PDE4D: variants seen among roughly 807,000 people sequenced by gnomAD.
The protein encoded by PDE4D is 3',5'-cyclic-AMP phosphodiesterase 4D.
Under a neutral mutation model 87.4 loss-of-function variants are expected in PDE4D, and 24 were observed. That is an observed-to-expected ratio of 0.27 (90% CI 0.20 to 0.39). The LOEUF is 0.39. Among genes scored for constraint, PDE4D ranks in the 10% least tolerant of loss-of-function variants. PDE4D has a pLI of 1.00. For missense variants in PDE4D, 714 were observed against 1,041.0 expected, an observed-to-expected ratio of 0.69 and a Z score of 4.32; for synonymous variants, 384 against 383.2, an observed-to-expected ratio of 1.00 and a Z score of -0.02.
intron 5 of PDE4D, among the ~76,000 whole-genome samples, chr5:59,081,795 T>G (rs1459805918): frequency 1.3e-5 from 2 of 152,162 alleles, no homozygotes; most frequent in Non-Finnish European, 2.9e-5. Context: ...ACAATGTCCT[T>G]AATGTAGATT....
intron 1 of PDE4D, among the ~76,000 whole-genome samples, chr5:59,454,259 A>G (rs1799583143): frequency 6.6e-6 from 1 of 152,192 alleles, no homozygotes; most frequent in Admixed American, 6.5e-5. Flanking sequence ...GTCGCCACCC[A>G]AATCTCATCT....
At chr5:58,999,848 G>A in intron 6 of PDE4D, 2 of 988,444 alleles carry the variant, frequency 2.0e-6, no homozygotes, top group Non-Finnish European at 2.4e-6. Context: ...TCTCTCCCGA[G>A]CTCCAGGGCT....
intron 2 of PDE4D, among the ~76,000 whole-genome samples, chr5:60,166,303 A>G (rs1782895621): frequency 6.6e-6 from 1 of 152,126 alleles, no homozygotes; most frequent in African/African-American, 2.4e-5. Context: ...CATAATTTTA[A>G]CAAGTTATTT....
chr5:59,124,891 A>G (rs1775134552), intron 5 of PDE4D, among the ~76,000 whole-genome samples: 1 of 152,130 alleles, frequency 6.6e-6, no homozygotes. Context: ...AAACACCCAC[A>G]GTAATTATGG....
At chr5:59,656,530 C>T (rs1744391169) in intron 1 of PDE4D, among the ~76,000 whole-genome samples, 1 of 152,202 alleles carries the variant, frequency 6.6e-6, no homozygotes, top group Non-Finnish European at 1.5e-5. Flanking sequence ...GCCAATGACA[C>T]AGATCTGCTC....
chr5:59,110,787 G>A (rs897995033), intron 5 of PDE4D, among the ~76,000 whole-genome samples: 4 of 152,140 alleles, frequency 2.6e-5, no homozygotes, highest in African/African-American at 7.2e-5. Context: ...TGGGAAGATC[G>A]CTTGAGTCCA....
chr5:59,775,845 A>C (rs971940636), intron 1 of PDE4D, among the ~76,000 whole-genome samples: 2 of 152,176 alleles, frequency 1.3e-5, no homozygotes, highest in African/African-American at 2.4e-5. Context: ...TTCATTTGCT[A>C]TACCCACCCC....
chr5:59,769,808 C>A (rs1763259866), intron 1 of PDE4D, among the ~76,000 whole-genome samples: 1 of 150,274 alleles, frequency 6.7e-6, no homozygotes, highest in South Asian at 2.1e-4. Context: ...TCTTAAAAAC[C>A]CAATAACTTA....
rs1237216088 is a variant in PDE4D, at chr5:58,970,852, A to G, written c.*3812T>C. 2.6e-5 allele frequency: 4 copies of G among 152,128 alleles called. No individual in the cohort carries two copies. The highest frequency in any genetic ancestry group is 9.7e-5 in the African/African-American group (4 of 41,440). The allele number at this position is 152,128 out of a possible 1,614,324, so 9.4% of individuals were successfully genotyped here. A position where few individuals can be genotyped will look rare whatever the true frequency, so the allele number is the denominator to read the frequency against. Reference sequence around the variant, plus strand: ...AGCCAAAAGGACTTAAAAAAAAGAAAAAGATTGTTTATAATCACTGGGAAA... The same window carrying G: ...AGCCAAAAGGACTTAAAAAAAAGAAGAAGATTGTTTATAATCACTGGGAAA... On this transcript the variant is annotated 3_prime_UTR_variant, in exon 15 of 15. Coordinates refer to ENST00000340635, the MANE Select transcript of PDE4D (RefSeq NM_001104631.2).
At chr5:60,337,778 A>C (rs917160004) in intron 1 of PDE4D, among the ~76,000 whole-genome samples, 3 of 152,018 alleles carry the variant, frequency 2.0e-5, no homozygotes, top group African/African-American at 7.2e-5. Flanking sequence ...CACAATTCCA[A>C]CACCACATCT....
intron 1 of PDE4D, among the ~76,000 whole-genome samples, chr5:59,728,693 T>C (rs1422729578): frequency 6.6e-6 from 1 of 152,126 alleles, no homozygotes; most frequent in Non-Finnish European, 1.5e-5. Flanking sequence ...TATGGCACAA[T>C]ATAGTACATA....
At chr5:60,321,894 T>G (rs909516612) in intron 1 of PDE4D, among the ~76,000 whole-genome samples, 8 of 57,582 alleles carry the variant, frequency 1.4e-4, no homozygotes, top group Non-Finnish European at 2.1e-4. Context: ...AAAAATACTG[T>G]TTTTTTTTTT....
At position 59,636,158 on chromosome 5, in the gene PDE4D, C is replaced by T. The variant is rs1328769628; in HGVS notation, c.455+257010G>A. On this transcript the variant is annotated intron_variant, in intron 1 of 14. Coordinates refer to ENST00000340635, the MANE Select transcript of PDE4D (RefSeq NM_001104631.2). Reference sequence around the variant, plus strand: ...TGCAACAAAAAGAAGAAAATACCTACGAATACAACTTACAAGGGATGTGAA... The same window carrying T: ...TGCAACAAAAAGAAGAAAATACCTATGAATACAACTTACAAGGGATGTGAA... Among the ~76,000 whole-genome samples, 49 of 152,008 alleles carry T rather than the reference C, an allele frequency of 3.2e-4. 1 individual carries two copies. Among genetic ancestry groups the T allele is most frequent in the Non-Finnish European group, 2.9e-5 (2 of 68,000 alleles).
In PDE4D at chr5:59,337,334, C is replaced by G. The variant is rs57929759; in HGVS notation, c.456-121366G>C. 6.7e-4 allele frequency among the ~76,000 whole-genome samples: 97 copies of G among 143,828 alleles called. 1 individual carries two copies. The highest frequency in any genetic ancestry group is 2.9e-3 in the South Asian group (13 of 4,482). The allele number at this position is 143,828 out of a possible 152,430, so 94.4% of individuals were successfully genotyped here. On this transcript the variant is annotated intron_variant, in intron 1 of 14. Coordinates refer to ENST00000340635, the MANE Select transcript of PDE4D (RefSeq NM_001104631.2). The stretch of plus-strand genomic sequence containing the variant: ...AGGCATTCATAAGTTCCCCCCCCCC[C>G]ACCTTTTTTTTTTTTTTGACACGGA...
At chr5:59,175,069 A>G (rs140546503) in intron 5 of PDE4D, among the ~76,000 whole-genome samples, 160 of 152,316 alleles carry the variant, frequency 1.1e-3, no homozygotes, top group African/African-American at 3.6e-3. Flanking sequence ...TGAAATGCTT[A>G]CAAGGAAGGA....
At chr5:60,344,320 C>T (rs1758557686) in intron 1 of PDE4D, among the ~76,000 whole-genome samples, 1 of 152,046 alleles carries the variant, frequency 6.6e-6, no homozygotes, top group South Asian at 2.1e-4. Flanking sequence ...GTTTATACTT[C>T]AGTCAATAAC....
At chr5:59,760,191 T>C (rs941067864) in intron 1 of PDE4D, among the ~76,000 whole-genome samples, 2 of 152,208 alleles carry the variant, frequency 1.3e-5, no homozygotes, top group African/African-American at 2.4e-5. Context: ...AGCAAATGTT[T>C]ACTTTTAAAT....
chr5:60,037,324 G>A (rs1011811036), intron 2 of PDE4D, among the ~76,000 whole-genome samples: 4 of 151,896 alleles, frequency 2.6e-5, no homozygotes, highest in East Asian at 1.9e-4. Flanking sequence ...ACATTTCAAT[G>A]GAAAAAAGGA....
chr5:59,487,559 T>C (rs1205114408), intron 1 of PDE4D, among the ~76,000 whole-genome samples: 1 of 152,050 alleles, frequency 6.6e-6, no homozygotes, highest in Admixed American at 6.5e-5. Flanking sequence ...TAGTTATTAG[T>C]CTATTTGATT....
Sources: allele counts gnomAD v4.1 joint callset (sites outside exome capture counted in the v4.1 genomes callset), GRCh38; gene constraint gnomAD v4.1.1; transcripts MANE v1.5; gene names NCBI Gene and HGNC (gene_info 2026-07-23, HGNC 2026-07-21).